Variants in CASD1 observed in about 807,000 individuals in gnomAD.
The protein encoded by CASD1 is CAS1 domain sialic acid O acetyltransferase 1, also known as N-acetylneuraminate (7)9-O-acetyltransferase.
In CASD1, 41 loss-of-function variants were observed where a neutral mutation model predicts 100.0. The observed-to-expected ratio is 0.41, with a 90% CI of 0.32 to 0.53. The LOEUF (loss-of-function observed/expected upper bound fraction) is 0.53, where lower values mean the gene tolerates loss of function less well. Ranked by LOEUF, CASD1 falls within the 20% of genes least tolerant of loss-of-function variation. CASD1 has a pLI of 0.25. For missense variants in CASD1, 774 were observed against 948.7 expected (o/e 0.82, Z 2.42); for synonymous variants, 321 against 315.6 (o/e 1.02, Z -0.18).
chr7:94,514,745 T>G (rs941311807), intron 1 of CASD1, among the ~76,000 whole-genome samples: 1 of 152,122 alleles, frequency 6.6e-6, no homozygotes, highest in African/African-American at 2.4e-5. Flanking sequence ...TGGAGATAGC[T>G]GAAGTAGATA....
At chr7:94,587,257 G>C in the CASD1 span, 1 of 985,454 alleles carries the variant, frequency 1.0e-6, no homozygotes, top group Non-Finnish European at 1.2e-6. Flanking sequence ...AAATCTATGT[G>C]ACTACTAAAC....
the CASD1 span, chr7:94,587,977 T>A: frequency 5.0e-6 from 7 of 1,413,316 alleles, no homozygotes; most frequent in Admixed American, 3.4e-5. Context: ...TTTTTAAAAC[T>A]TCTCTTGCTT....
At chr7:94,530,625 G>C (rs1228171357) in intron 5 of CASD1, among the ~76,000 whole-genome samples, 3 of 152,116 alleles carry the variant, frequency 2.0e-5, no homozygotes, top group African/African-American at 4.8e-5. Flanking sequence ...AGGCTAACTT[G>C]TAAAGAAACT....
the CASD1 span, chr7:94,587,458 G>T: frequency 1.6e-6 from 2 of 1,226,740 alleles, no homozygotes; most frequent in African/African-American, 3.1e-5. Context: ...AAGCTACAAG[G>T]TTAATAACGA....
At chr7:94,524,460 A>G (rs1794447530) in intron 3 of CASD1, among the ~76,000 whole-genome samples, 2 of 152,142 alleles carry the variant, frequency 1.3e-5, no homozygotes, top group Admixed American at 6.5e-5. Flanking sequence ...AATGGCAGAA[A>G]TTAAATCTGA....
At chr7:94,633,121 A>G in the CASD1 span, among the ~76,000 whole-genome samples, 1 of 152,090 alleles carries the variant, frequency 6.6e-6, no homozygotes, top group Non-Finnish European at 1.5e-5. Context: ...CTCTCTGTGT[A>G]TCGCATGGTT....
the CASD1 span, chr7:94,623,739 A>G: frequency 2.3e-5 from 9 of 395,484 alleles, no homozygotes; most frequent in Admixed American, 1.3e-4. Flanking sequence ...TAAGATTTCA[A>G]AAAAAAAACA....
In CASD1 at chr7:94,518,320, T is replaced by C; in HGVS notation, c.348T>C (p.Asn116=). The C allele has an allele frequency of 1.3e-6, 2 of 1,573,782 alleles. No homozygotes were observed. The highest frequency in any genetic ancestry group is 1.7e-6 in the Non-Finnish European group (2 of 1,161,436). The change falls in exon 3 of 18, where the codon AAT becomes AAC. Residue 116 remains asparagine (N), a synonymous_variant. Coordinates refer to ENST00000297273, the MANE Select transcript of CASD1 (RefSeq NM_022900.5). Reference sequence around the variant, plus strand: ...ATCCCCAATTCAAAGAAGAAGGAAATAAGGTAAAACTTGTCTATTCCCTTC... The same window carrying C: ...ATCCCCAATTCAAAGAAGAAGGAAACAAGGTAAAACTTGTCTATTCCCTTC... ...IINPQFKEEG[N]KHENIPFEDK...
chr7:94,594,885 A>G, the CASD1 span, among the ~76,000 whole-genome samples: 2 of 152,122 alleles, frequency 1.3e-5, no homozygotes, highest in African/African-American at 4.8e-5. Flanking sequence ...AAGCAAAAGA[A>G]ACACAGTACA....
At chr7:94,546,091 G>C (rs961064131) in intron 12 of CASD1, among the ~76,000 whole-genome samples, 1 of 151,898 alleles carries the variant, frequency 6.6e-6, no homozygotes, top group African/African-American at 2.4e-5. Context: ...AATCTTGGCA[G>C]CTCTACTTTG....
At chr7:94,618,975 G>A in the CASD1 span, 1 of 1,528,938 alleles carries the variant, frequency 6.5e-7, no homozygotes, top group South Asian at 1.1e-5. Context: ...GGTGAAAAAG[G>A]GCATGCATAT....
At chr7:94,522,207 G>T (rs1206331153) in intron 3 of CASD1, among the ~76,000 whole-genome samples, 2 of 152,042 alleles carry the variant, frequency 1.3e-5, no homozygotes, top group Admixed American at 1.3e-4. Context: ...TGCTTAAAAA[G>T]ACATATTTAA....
downstream of CASD1, among the ~76,000 whole-genome samples, chr7:94,557,782 AATTT>A (rs1796256854): frequency 1.3e-5 from 2 of 151,776 alleles, no homozygotes; most frequent in Admixed American, 1.3e-4. Context: ...ATTTAAAAAT[AATTT>A]ATTTGTAGTT....
the CASD1 span, chr7:94,598,579 A>G: frequency 3.5e-5 from 21 of 593,342 alleles, no homozygotes; most frequent in Middle Eastern, 4.5e-4. Flanking sequence ...TCAGTGGGGG[A>G]AAAAAAGTGC....
chr7:94,545,770 T>C (rs1399778812), intron 12 of CASD1, 69 bp downstream of exon 12: 5 of 943,550 alleles, frequency 5.3e-6, no homozygotes, highest in Non-Finnish European at 7.8e-6. Flanking sequence ...TTGTAGTTGC[T>C]AAATGATATT....
intron 8 of CASD1, among the ~76,000 whole-genome samples, chr7:94,537,161 GGAATA>G (rs1795162706): frequency 6.6e-6 from 1 of 151,842 alleles, no homozygotes; most frequent in South Asian, 2.1e-4. Flanking sequence ...AAAAAAAAAA[GGAATA>G]GAATAGAACA....
chr7:94,567,955 G>C, the CASD1 span, among the ~76,000 whole-genome samples: 17 of 152,010 alleles, frequency 1.1e-4, no homozygotes, highest in South Asian at 3.5e-3. Context: ...CTAAATTAAC[G>C]TATAAAGTTC....
At chr7:94,596,364 G>A in the CASD1 span, among the ~76,000 whole-genome samples, 8 of 152,018 alleles carry the variant, frequency 5.3e-5, no homozygotes, top group South Asian at 2.1e-4. Context: ...ACCTTTTTCC[G>A]CTCTTAAATT....
the CASD1 span, chr7:94,627,584 G>T: frequency 6.6e-6 from 1 of 152,380 alleles, no homozygotes; most frequent in Non-Finnish European, 1.5e-5. Flanking sequence ...ATACCTCTAA[G>T]ATTTTGATGT....
Sources: gnomAD v4.1 joint callset for allele counts (sites outside exome capture counted in the v4.1 genomes callset) on GRCh38, gnomAD v4.1.1 for gene constraint, MANE v1.5 for transcripts, NCBI Gene and HGNC (gene_info 2026-07-23, HGNC 2026-07-21) for gene names.